The following CYFIP1 variants were observed in gnomAD, a reference collection of about 807,000 sequenced individuals.
CYFIP1 encodes the protein cytoplasmic FMR1-interacting protein 1.
CYFIP1 carries 58 observed loss-of-function variants against 163.5 expected under a neutral mutation model. The observed-to-expected ratio is 0.35, with a 90% CI of 0.29 to 0.44. The LOEUF (loss-of-function observed/expected upper bound fraction) is 0.44, where lower values mean the gene tolerates loss of function less well. CYFIP1 is among the 20% of genes least tolerant of loss of function. The pLI is 1.00. For synonymous variants in CYFIP1, 663 were observed against 660.7 expected, an observed-to-expected ratio of 1.00 and a Z score of -0.05; for missense variants, 1,338 against 1,653.8, an observed-to-expected ratio of 0.81 and a Z score of 3.31.
chr15:22,937,189 T>A lies in CYFIP1; in HGVS notation c.815A>T (p.Tyr272Phe). Residue 272 changes from tyrosine to phenylalanine, a missense_variant, in exon 9 of 31, where the codon TAC becomes TTC. Around this residue, in one of 4 missense-constraint regions of CYFIP1, gnomAD observed 824 missense variants for 995.7 expected, o/e 0.83. Coordinates refer to ENST00000617928, the MANE Select transcript of CYFIP1 (RefSeq NM_014608.6). ...GTTACTGACACTCCCATCCATCAGGTACAGACCAAATCCCATGACCTGAAA... is the reference window on the plus strand; with the variant it reads ...GTTACTGACACTCCCATCCATCAGGAACAGACCAAATCCCATGACCTGAAA... Reference protein sequence around the residue: ...MLLKVMGFGLYLMDGSVSNIY... With the variant: ...MLLKVMGFGLFLMDGSVSNIY... 1 of 1,612,360 alleles carries A rather than the reference T, an allele frequency of 6.2e-7. No individual in the cohort carries two copies.
chr15:22,880,353 A>G (rs2059718615), intron 25 of CYFIP1, among the ~76,000 whole-genome samples: 1 of 152,176 alleles, frequency 6.6e-6, no homozygotes, highest in Non-Finnish European at 1.5e-5. Context: ...ACTGCACCAC[A>G]TCCCCAGTGG....
chr15:22,880,140 G>T, intron 25 of CYFIP1, 97 bp from the exon 26 acceptor site: 1 of 1,508,198 alleles, frequency 6.6e-7, no homozygotes. Context: ...TTCTGACACC[G>T]CCATCAAGCC....
chr15:22,892,344 C>T (rs900819358), intron 23 of CYFIP1, among the ~76,000 whole-genome samples: 3 of 152,194 alleles, frequency 2.0e-5, no homozygotes, highest in African/African-American at 4.8e-5. Flanking sequence ...CCAAGCCACC[C>T]CCAGCGTGGA....
rs940009292 is a variant in CYFIP1 at position 22,927,977 on chromosome 15, G to C, written c.1162C>G (p.Arg388Gly). Residue 388 changes from arginine (R) to glycine (G), a missense_variant, in exon 12 of 31, where the codon CGC (arginine) becomes GGC (glycine). Arg to Gly is a moderately radical substitution (Grantham distance 125). Coordinates refer to ENST00000617928, the MANE Select transcript of CYFIP1 (RefSeq NM_014608.6). ...QEAQKTDAEY[R>G]KLFDLALQGL... The stretch of plus-strand genomic sequence containing the variant: ...TGCAGCGCCAGGTCGAAGAGCTTGC[G>C]GTACTCCGCGTCCGTCTTCTGGGCC... 2.3e-5 allele frequency: 37 copies of C among 1,601,074 alleles called. No homozygotes were observed. Among genetic ancestry groups the C allele is most frequent in the Non-Finnish European group, 3.1e-5 (36 of 1,175,936 alleles).
chr15:22,945,060 C>A, intron 3 of CYFIP1, 121 bp from the exon 4 acceptor site: 1 of 938,622 alleles, frequency 1.1e-6, no homozygotes, highest in Non-Finnish European at 1.7e-6. Context: ...GCCTGTGTGC[C>A]AAGAGACGGC....
chr15:22,882,795 G>A, intron 24 of CYFIP1, 73 bp downstream of exon 24: 1 of 1,540,864 alleles, frequency 6.5e-7, no homozygotes, highest in Non-Finnish European at 8.8e-7. Context: ...AGTCCAGGCA[G>A]AGAAGACCCT....
At chr15:22,939,144 A>G (rs777260347) in intron 8 of CYFIP1, 48 bp downstream of exon 8, 23 of 1,610,338 alleles carry the variant, frequency 1.4e-5, no homozygotes, top group Middle Eastern at 3.4e-4. Flanking sequence ...TGACAAGAGT[A>G]AGGCTGTCCC....
At position 22,944,628 on chromosome 15, in the gene CYFIP1, T is replaced by C; in HGVS notation, c.317A>G (p.Glu106Gly). 1 of 1,614,006 alleles carries C rather than the reference T, an allele frequency of 6.2e-7. No homozygotes were observed. Among genetic ancestry groups the C allele is most frequent in the Non-Finnish European group, 8.5e-7 (1 of 1,179,860 alleles). ...AACCTCCACGGTTTTCTCGTAGATT[T>C]CCACTCTGTTAGGCTGCTCGTTACA... ...VKCNEQPNRVEIYEKTVEVLE... is the reference protein window; with the variant it reads ...VKCNEQPNRVGIYEKTVEVLE... Residue 106 changes from glutamate (E) to glycine (G), a missense_variant, in exon 5 of 31, where the codon GAA (glutamate) becomes GGA (glycine). Physicochemically the swap from Glu to Gly is moderately conservative, Grantham distance 98. Around this residue, in one of 4 missense-constraint regions of CYFIP1, gnomAD observed 186 missense variants for 288.3 expected, o/e 0.65. Transcript: ENST00000617928.
intron 1 of CYFIP1, among the ~76,000 whole-genome samples, chr15:22,979,586 C>T (rs1225013878): frequency 1.3e-5 from 2 of 152,218 alleles, no homozygotes; most frequent in Non-Finnish European, 2.9e-5. Context: ...AAAACACGTT[C>T]CATCAACCCC....
At chr15:22,932,486 CA>C (rs930013307) in intron 10 of CYFIP1, 146 bp from the exon 11 acceptor site, 1 of 527,352 alleles carries the variant, frequency 1.9e-6, no homozygotes, top group African/African-American at 2.0e-5. Flanking sequence ...AACACAGAAG[CA>C]TATCCGAAGG....
chr15:22,886,113 G>C (rs1488730149), intron 23 of CYFIP1, among the ~76,000 whole-genome samples: 1 of 152,100 alleles, frequency 6.6e-6, no homozygotes, highest in Non-Finnish European at 1.5e-5. Context: ...GAGCAAGGGG[G>C]AAGAACCCCT....
intron 1 of CYFIP1, among the ~76,000 whole-genome samples, chr15:22,960,027 CT>C (rs1387729248): frequency 6.6e-6 from 1 of 152,224 alleles, no homozygotes; most frequent in East Asian, 1.9e-4. Context: ...CAGCCCAGCC[CT>C]TCTCCTGCAC....
intron 22 of CYFIP1, among the ~76,000 whole-genome samples, chr15:22,899,962 C>T (rs919370497): frequency 1.1e-4 from 16 of 152,076 alleles, no homozygotes; most frequent in African/African-American, 2.9e-4. Context: ...GCAGGAGAAT[C>T]GCTTGAACCT....
chr15:22,955,206 G>A lies in CYFIP1; in HGVS notation c.-6-7915C>T, dbSNP rs118054798. 8.8e-3 allele frequency among the ~76,000 whole-genome samples: 1,341 copies of A among 152,350 alleles called. 10 individuals are homozygous for A. The highest frequency in any genetic ancestry group is 0.014 in the Non-Finnish European group (950 of 68,020). ...CCCTCAGCCTCAGATCCACACAGAT[G>A]CAGTCTCAAGAAGTGGTCCTCACAG... On this transcript the variant is annotated intron_variant, in intron 1 of 30. Transcript: ENST00000617928.
chr15:22,892,919 C>T lies in CYFIP1; in HGVS notation c.2647G>A (p.Ala883Thr). 6.2e-7 allele frequency: 1 copy of T among 1,613,670 alleles called. No homozygotes were observed. The highest frequency in any genetic ancestry group is 8.5e-7 in the Non-Finnish European group (1 of 1,179,600). ...GATCCATGCAGATACTGAGGCTGTG[C>T]ATTAGGCTGCTTATCTCTTTGAAAT... ...QEFQRDKQPN[A>T]QPQYLHGSKA... The change falls in exon 23 of 31, where the codon GCA becomes ACA. Residue 883 changes from alanine to threonine, a missense_variant. Ala to Thr is a moderately conservative substitution (Grantham distance 58). Around this residue, in one of 4 missense-constraint regions of CYFIP1, gnomAD observed 824 missense variants for 995.7 expected, o/e 0.83. Coordinates refer to ENST00000617928, the MANE Select transcript of CYFIP1 (RefSeq NM_014608.6).
rs1259693577 is a variant in CYFIP1 at position 22,909,733 on chromosome 15, CTTTTTT to C, written c.2269-426_2269-421del. Reference sequence around the variant, plus strand: ...TCACTTTTAATTTTTAATTTTTTTTCTTTTTTTAATGTTTGTGGGTACGCAGTAAGT... The same window carrying C: ...TCACTTTTAATTTTTAATTTTTTTTCTAATGTTTGTGGGTACGCAGTAAGT... On this transcript the variant is annotated intron_variant, in intron 20 of 30. Transcript: ENST00000617928. 2.6e-5 allele frequency among the ~76,000 whole-genome samples: 4 copies of C among 151,250 alleles called. No homozygotes were observed. In the East Asian group the frequency reaches 5.8e-4, roughly 22 times the overall value.
At chr15:22,939,826 C>T (rs554798003) in intron 6 of CYFIP1, among the ~76,000 whole-genome samples, 23 of 152,272 alleles carry the variant, frequency 1.5e-4, no homozygotes, top group South Asian at 8.3e-4. Context: ...ACGCCCACCT[C>T]ATCTAGGGGG....
intron 8 of CYFIP1, 142 bp from the exon 9 acceptor site, chr15:22,937,350 C>G (rs1402285363): frequency 6.6e-6 from 4 of 602,306 alleles, no homozygotes; most frequent in Non-Finnish European, 1.2e-5. Context: ...GGCTGCTTGT[C>G]TGGTGCTTGA....
chr15:22,895,250 G>A (rs1252607588), intron 22 of CYFIP1, among the ~76,000 whole-genome samples: 11 of 152,178 alleles, frequency 7.2e-5, no homozygotes, highest in African/African-American at 2.4e-4. Flanking sequence ...TCCTGACCTC[G>A]TGATCTGTCT....
Sources: allele counts gnomAD v4.1 joint callset (sites outside exome capture counted in the v4.1 genomes callset), GRCh38; gene constraint gnomAD v4.1.1; regional missense constraint gnomAD v4.1.1; transcripts MANE v1.5; gene names NCBI Gene and HGNC (gene_info 2026-07-23, HGNC 2026-07-21).